The following PAG1 variants were observed in gnomAD, a reference collection of about 807,000 sequenced individuals.
PAG1 encodes phosphoprotein associated with glycosphingolipid-enriched microdomains 1.
In PAG1, 23 loss-of-function variants were observed where a neutral mutation model predicts 31.7. The observed-to-expected ratio is 0.73, with a 90% CI of 0.52 to 1.03. The LOEUF is 1.03. Among genes scored for constraint, PAG1 ranks in the 50% least tolerant of loss-of-function variants. The pLI is 0.00. For missense variants in PAG1, 473 were observed against 540.7 expected, an observed-to-expected ratio of 0.87 and a Z score of 1.24; for synonymous variants, 214 against 210.3, an observed-to-expected ratio of 1.02 and a Z score of -0.15.
intron 7 of PAG1, 39 bp from the exon 8 acceptor site, chr8:80,980,533 G>C (rs200899082): frequency 1.0e-5 from 13 of 1,268,076 alleles, no homozygotes; most frequent in Non-Finnish European, 1.4e-5. Context: ...GTAATTCAGC[G>C]TTAACAATCT....
chr8:81,065,571 A>G (rs889879453), intron 2 of PAG1, among the ~76,000 whole-genome samples: 12 of 152,190 alleles, frequency 7.9e-5, no homozygotes, highest in African/African-American at 2.9e-4. Context: ...CTCTCCAGCC[A>G]GTTCTACTGT....
At chr8:81,093,043 T>C (rs1290526233) in intron 1 of PAG1, among the ~76,000 whole-genome samples, 1 of 152,236 alleles carries the variant, frequency 6.6e-6, no homozygotes, top group Admixed American at 6.5e-5. Context: ...CACTTAAAAA[T>C]ACTTGCTCCT....
At chr8:81,019,360 T>C (rs1192908379) in intron 3 of PAG1, among the ~76,000 whole-genome samples, 1 of 152,212 alleles carries the variant, frequency 6.6e-6, no homozygotes, top group Non-Finnish European at 1.5e-5. Context: ...CTCCAGGGCA[T>C]GTCAGAGACC....
chr8:81,090,794 A>C (rs1450476107), intron 1 of PAG1, among the ~76,000 whole-genome samples: 1 of 152,018 alleles, frequency 6.6e-6, no homozygotes. Context: ...AGCAGAATGC[A>C]AGAAATGAGG....
chr8:81,080,630 T>G (rs1478685634), intron 1 of PAG1, among the ~76,000 whole-genome samples: 1 of 152,176 alleles, frequency 6.6e-6, no homozygotes, highest in Non-Finnish European at 1.5e-5. Flanking sequence ...AATTTGAGAA[T>G]GTACACCCAG....
intron 2 of PAG1, among the ~76,000 whole-genome samples, chr8:81,038,594 T>C (rs184472182): frequency 4.6e-5 from 7 of 152,298 alleles, no homozygotes; most frequent in Admixed American, 4.6e-4. Flanking sequence ...CCATATGGGA[T>C]AAAGTAGTTT....
At chr8:81,104,017 T>A (rs144905252) in intron 1 of PAG1, among the ~76,000 whole-genome samples, 212 of 152,236 alleles carry the variant, frequency 1.4e-3, no homozygotes, top group African/African-American at 4.9e-3. Context: ...AAATAAGAAA[T>A]GAAAATTCCA....
At chr8:81,025,244 A>C (rs886137167) in intron 3 of PAG1, among the ~76,000 whole-genome samples, 2 of 152,206 alleles carry the variant, frequency 1.3e-5, no homozygotes, top group African/African-American at 4.8e-5. Flanking sequence ...AATGTAGGAC[A>C]TTCTGCATTC....
intron 1 of PAG1, among the ~76,000 whole-genome samples, 173 bp downstream of exon 1, chr8:81,111,418 C>A (rs910564273): frequency 2.6e-5 from 4 of 152,208 alleles, no homozygotes; most frequent in Non-Finnish European, 2.9e-5. Context: ...GGTCAGCCAG[C>A]CCTGGACTCC....
chr8:80,986,653 AC>A (rs1191546712), intron 6 of PAG1, among the ~76,000 whole-genome samples: 1 of 152,152 alleles, frequency 6.6e-6, no homozygotes, highest in Non-Finnish European at 1.5e-5. Flanking sequence ...AATTCCTGGA[AC>A]TTGTGAATGT....
intron 1 of PAG1, among the ~76,000 whole-genome samples, chr8:81,080,965 A>G (rs1407553833): frequency 2.6e-5 from 4 of 152,148 alleles, no homozygotes; most frequent in Non-Finnish European, 4.4e-5. Flanking sequence ...CTAATAGCCT[A>G]TGCAGATAGG....
rs569236365 is a variant in PAG1, at chr8:81,039,076, T to C, written c.-174-8987A>G. Among the ~76,000 whole-genome samples, 4 of 152,232 alleles carry C rather than the reference T, an allele frequency of 2.6e-5. No homozygotes were observed. The South Asian group carries it at 8.3e-4, about 32-fold the overall frequency. ...ATATGGTGTTTAGAAGAACTACAAG[T>C]ATCATGATGGACTCTAATAAGAGTC... On this transcript the variant is annotated intron_variant, in intron 2 of 8. Transcript: ENST00000220597.
intron 2 of PAG1, among the ~76,000 whole-genome samples, chr8:81,044,044 C>T (rs1189381230): frequency 6.6e-6 from 1 of 152,168 alleles, no homozygotes; most frequent in East Asian, 1.9e-4. Flanking sequence ...ACGGTCAAGG[C>T]CAAGAGGTTC....
At chr8:81,083,912 G>A (rs1446388311) in intron 1 of PAG1, among the ~76,000 whole-genome samples, 1 of 152,010 alleles carries the variant, frequency 6.6e-6, no homozygotes, top group Admixed American at 6.6e-5. Flanking sequence ...GTGCATGCCT[G>A]TAATCCCAGC....
At chr8:81,076,912 C>T (rs1013949180) in intron 1 of PAG1, among the ~76,000 whole-genome samples, 2 of 152,148 alleles carry the variant, frequency 1.3e-5, no homozygotes, top group African/African-American at 4.8e-5. Context: ...AGCTGTTATG[C>T]ATAATTAGGC....
intron 3 of PAG1, among the ~76,000 whole-genome samples, chr8:81,017,153 G>A (rs1467503517): frequency 6.6e-6 from 1 of 152,204 alleles, no homozygotes; most frequent in African/African-American, 2.4e-5. Flanking sequence ...AGGTTGTTAT[G>A]AAGCAACAGA....
At chr8:81,099,963 T>TCA (rs1190214929) in intron 1 of PAG1, among the ~76,000 whole-genome samples, 1 of 152,236 alleles carries the variant, frequency 6.6e-6, no homozygotes, top group Non-Finnish European at 1.5e-5. Flanking sequence ...TCCTGACATT[T>TCA]CACAGTAATG....
At chr8:81,015,796 A>G (rs571984588) in intron 3 of PAG1, among the ~76,000 whole-genome samples, 1 of 152,292 alleles carries the variant, frequency 6.6e-6, no homozygotes, top group East Asian at 1.9e-4. Flanking sequence ...CCCTCCCTGT[A>G]TCCTCACTTC....
intron 2 of PAG1, among the ~76,000 whole-genome samples, chr8:81,069,464 C>T (rs563570178): frequency 6.6e-6 from 1 of 152,302 alleles, no homozygotes; most frequent in Non-Finnish European, 1.5e-5. Flanking sequence ...ATTATAAACA[C>T]TGATAACCAT....
Sources: allele counts gnomAD v4.1 joint callset (sites outside exome capture counted in the v4.1 genomes callset), GRCh38; gene constraint gnomAD v4.1.1; transcripts MANE v1.5; gene names NCBI Gene and HGNC (gene_info 2026-07-23, HGNC 2026-07-21).